Variants in DDX60 observed in about 807,000 individuals in gnomAD.
DDX60 encodes the protein DExD/H-box helicase 60.
A neutral mutation model predicts 212.8 loss-of-function variants in DDX60; 165 were observed. The ratio of observed to expected loss-of-function variants is 0.78; its 90% CI spans 0.68 to 0.88. The LOEUF is 0.88. Ranked by LOEUF, DDX60 falls within the 40% of genes least tolerant of loss-of-function variation. The probability of loss-of-function intolerance (pLI) is 0.00; values close to 1 mark genes in which losing one functional copy is unlikely to be tolerated. For missense variants in DDX60, 1,905 were observed against 2,003.9 expected (o/e 0.95, Z 0.94); for synonymous variants, 703 against 685.3 (o/e 1.03, Z -0.40).
intron 15 of DDX60, 133 bp downstream of exon 15, chr4:168,275,882 T>C (rs1735311904): frequency 2.7e-6 from 2 of 746,110 alleles, no homozygotes; most frequent in African/African-American, 1.8e-5. Context: ...GATTGGGCAG[T>C]TGGGTTACTA....
At chr4:168,280,803 TAG>T (rs1223675869) in intron 13 of DDX60, among the ~76,000 whole-genome samples, 2 of 152,234 alleles carry the variant, frequency 1.3e-5, no homozygotes, top group Admixed American at 6.5e-5. Context: ...AGGCTCTCTG[TAG>T]ATAATTTTCT....
At chr4:168,238,637 G>T (rs72693111) in intron 30 of DDX60, among the ~76,000 whole-genome samples, 8,880 of 151,892 alleles carry the variant, frequency 0.058, 441 homozygotes, top group East Asian at 0.15. Flanking sequence ...CAACCTCTTC[G>T]CTCTCATATG....
At chr4:168,255,545 G>C (rs1450157209) in intron 26 of DDX60, among the ~76,000 whole-genome samples, 166 bp downstream of exon 26, 1 of 152,114 alleles carries the variant, frequency 6.6e-6, no homozygotes, top group Non-Finnish European at 1.5e-5. Context: ...TACAATTATG[G>C]TCACTCATCT....
intron 31 of DDX60, 93 bp from the exon 32 acceptor site, chr4:168,237,520 A>G: frequency 7.8e-7 from 1 of 1,274,858 alleles, no homozygotes; most frequent in Non-Finnish European, 1.1e-6. Flanking sequence ...TTTAATGCCA[A>G]TATAAGAAAT....
rs1354501104 is a variant in DDX60, at chr4:168,276,105, T to G, written c.2055A>C (p.Glu685Asp). Residue 685 changes from glutamate to aspartate, a missense_variant, in exon 15 of 38, where the codon GAA becomes GAC. Physicochemically the swap from Glu to Asp is conservative, Grantham distance 45 (BLOSUM62 2). Transcript: ENST00000393743. ...GTTGCCGATCATCTTCTTGTAAAAGTTCTGAGTATTTTTCCATCAAGGAGT... is the reference window on the plus strand; with the variant it reads ...GTTGCCGATCATCTTCTTGTAAAAGGTCTGAGTATTTTTCCATCAAGGAGT... ...RIHSLMEKYS[E>D]LLQEDDRQLI... The G allele has an allele frequency of 1.2e-6, 2 of 1,613,582 alleles. No homozygotes were observed. Among genetic ancestry groups the G allele is most frequent in the African/African-American group, 2.7e-5 (2 of 74,904 alleles).
intron 1 of DDX60, among the ~76,000 whole-genome samples, chr4:168,315,752 G>A (rs371132802): frequency 2.2e-4 from 33 of 152,242 alleles, no homozygotes; most frequent in African/African-American, 5.3e-4. Flanking sequence ...CAAAGGACAC[G>A]AACTCATTCT....
chr4:168,224,331 C>A lies in DDX60; in HGVS notation c.4736G>T (p.Cys1579Phe), dbSNP rs758681062. The change falls in exon 35 of 38, where the codon TGC becomes TTC. Residue 1579 changes from cysteine (C) to phenylalanine (F), a missense_variant. Physicochemically the swap from Cys to Phe is radical, Grantham distance 205. Transcript: ENST00000393743. ...DSQLVSHLMS[C>F]KEGRVAISPF... ...TGAAATTGCTACTCTTCCTTCCTTG[C>A]AGCTCATCAAATGAGATACGAGTTG... 7 of 1,611,918 alleles carry A rather than the reference C, an allele frequency of 4.3e-6. No individual in the cohort carries two copies. The highest frequency in any genetic ancestry group is 4.5e-5 in the East Asian group (2 of 44,786).
In DDX60 at chr4:168,309,416, G is replaced by A. The variant is rs570941916; in HGVS notation, c.75-1221C>T. 1.1e-3 allele frequency among the ~76,000 whole-genome samples: 173 copies of A among 152,136 alleles called. 1 individual carries two copies. Among genetic ancestry groups the A allele is most frequent in the African/African-American group, 3.8e-3 (157 of 41,518 alleles). ...CCACTTCCAGATAAATAAACCTAAC[G>A]TAAGGACCATTGTAAAAAAATTTTT... On this transcript the variant is annotated intron_variant, in intron 3 of 37. Transcript: ENST00000393743.
intron 35 of DDX60, among the ~76,000 whole-genome samples, 175 bp from the exon 36 acceptor site, chr4:168,222,056 T>C (rs912203509): frequency 1.3e-5 from 2 of 151,952 alleles, no homozygotes; most frequent in South Asian, 2.1e-4. Flanking sequence ...TAAGCAAGAG[T>C]GGAGAGTGGC....
Position 168,255,826 on chromosome 4 carries a change from T to C in DDX60, c.3442A>G (p.Thr1148Ala), listed in dbSNP as rs1734386026. The part of the protein sequence containing the change: ...AVENAAESVS[T>A]FLKKKQETKR... ...GTCTCCTGCTTTTTCTTTAGGAAAG[T>C]GCTCACACTTTCAGCTGCGTTTTCT... Residue 1148 changes from threonine to alanine, a missense_variant, in exon 26 of 38, where the codon ACT becomes GCT. Transcript: ENST00000393743. 6.2e-7 allele frequency: 1 copy of C among 1,604,542 alleles called. No homozygotes were observed. Among genetic ancestry groups the C allele is most frequent in the Non-Finnish European group, 8.5e-7 (1 of 1,177,398 alleles).
In DDX60 at chr4:168,309,268, T is replaced by C. The variant is rs528419324; in HGVS notation, c.75-1073A>G. 1.3e-4 allele frequency among the ~76,000 whole-genome samples: 20 copies of C among 152,292 alleles called. No individual in the cohort carries two copies. The East Asian group carries it at 3.9e-3, about 29-fold the overall frequency. On this transcript the variant is annotated intron_variant, in intron 3 of 37. Transcript: ENST00000393743. Reference sequence around the variant, plus strand: ...ACCCTAAATAAAACCATGGAACCCATATGAAGTGCCATTAGTGATGCCAGA... The same window carrying C: ...ACCCTAAATAAAACCATGGAACCCACATGAAGTGCCATTAGTGATGCCAGA...
At chr4:168,312,738 A>ATAGATAGATAGATAGATAGATAGATAGG (rs1490843394) in intron 1 of DDX60, among the ~76,000 whole-genome samples, 14 of 152,264 alleles carry the variant, frequency 9.2e-5, no homozygotes, top group African/African-American at 3.1e-4. Flanking sequence ...AGATAGATAG[A>ATAGATAGATAGATAGATAGATAGATAGG]TAGATAGATA....
rs191861580 is a variant in DDX60 at position 168,216,621 on chromosome 4, T to A, written c.*312A>T. ...CTTTGGCTTCGCAGAGTAAAAATTGTTATTCAGTCACATACAACATTCTCG... is the reference window on the plus strand; with the variant it reads ...CTTTGGCTTCGCAGAGTAAAAATTGATATTCAGTCACATACAACATTCTCG... On this transcript the variant is annotated 3_prime_UTR_variant, in exon 38 of 38. Transcript: ENST00000393743. 9 of 182,540 alleles carry A rather than the reference T, an allele frequency of 4.9e-5. No individual in the cohort carries two copies. In the South Asian group the frequency reaches 1.1e-3, roughly 23 times the overall value. 11.3% of individuals were successfully genotyped at this position (182,540 alleles called of 1,614,324 possible).
chr4:168,237,130 A>C (rs948258631), intron 32 of DDX60, among the ~76,000 whole-genome samples, 156 bp downstream of exon 32: 16 of 151,870 alleles, frequency 1.1e-4, no homozygotes, highest in Non-Finnish European at 2.2e-4. Context: ...AATATATATT[A>C]GTAGGTATTT....
intron 3 of DDX60, 75 bp downstream of exon 3, chr4:168,310,923 T>C (rs1443395393): frequency 1.2e-6 from 1 of 846,662 alleles, no homozygotes; most frequent in African/African-American, 1.7e-5. Flanking sequence ...TGTCTATAAA[T>C]CAGCATAAGG....
intron 33 of DDX60, among the ~76,000 whole-genome samples, chr4:168,228,740 T>C (rs1360158030): frequency 6.6e-6 from 1 of 152,096 alleles, no homozygotes; most frequent in Admixed American, 6.6e-5. Flanking sequence ...ACATAACCCT[T>C]TCTATTGTGA....
At chr4:168,275,626 A>T (rs1735300590) in intron 15 of DDX60, 123 bp from the exon 16 acceptor site, 1 of 831,700 alleles carries the variant, frequency 1.2e-6, no homozygotes, top group African/African-American at 1.7e-5. Context: ...TTAAATTTAA[A>T]TTTTTTAAAT....
chr4:168,280,676 A>G, intron 13 of DDX60, 86 bp from the exon 14 acceptor site: 1 of 1,415,190 alleles, frequency 7.1e-7, no homozygotes, highest in Non-Finnish European at 9.4e-7. Context: ...TTATGGGTGT[A>G]TTGAAGACTT....
chr4:168,276,767 C>T (rs1190435751), intron 14 of DDX60, among the ~76,000 whole-genome samples: 1 of 152,172 alleles, frequency 6.6e-6, no homozygotes, highest in Non-Finnish European at 1.5e-5. Flanking sequence ...AATCAATCAC[C>T]TATATTTCAC....
Sources: allele counts gnomAD v4.1 joint callset (sites outside exome capture counted in the v4.1 genomes callset), GRCh38; gene constraint gnomAD v4.1.1; transcripts MANE v1.5; gene names NCBI Gene and HGNC (gene_info 2026-07-23, HGNC 2026-07-21).